GLT8D2: variants seen among roughly 807,000 people sequenced by gnomAD.
The protein encoded by GLT8D2 is glycosyltransferase 8 domain containing 2.
In GLT8D2, 45 loss-of-function variants were observed where a neutral mutation model predicts 44.5. That is an observed-to-expected ratio of 1.01 (90% CI 0.80 to 1.30). GLT8D2 has a LOEUF of 1.30. GLT8D2 is among the 50% of genes most tolerant of loss of function. The pLI is 0.00. For missense variants in GLT8D2, 400 were observed against 430.4 expected, an observed-to-expected ratio of 0.93 and a Z score of 0.62; for synonymous variants, 156 against 157.2, an observed-to-expected ratio of 0.99 and a Z score of 0.06.
chr12:104,014,171 C>T (rs1876225825), intron 4 of GLT8D2: 2 of 623,536 alleles, frequency 3.2e-6, no homozygotes, highest in South Asian at 3.7e-5. Context: ...CAAGATGAAC[C>T]TGAGCAGCAT....
chr12:104,053,917 C>T (rs2136532950), upstream of GLT8D2, among the ~76,000 whole-genome samples: 1 of 151,740 alleles, frequency 6.6e-6, no homozygotes, highest in African/African-American at 2.4e-5. Context: ...TGAAATTGAA[C>T]TATAACATGT....
intron 4 of GLT8D2, among the ~76,000 whole-genome samples, chr12:104,007,260 CTCTCT>C (rs1875172907): frequency 1.3e-5 from 2 of 149,218 alleles, no homozygotes; most frequent in African/African-American, 2.5e-5. Flanking sequence ...CTCTCTCTCT[CTCTCT>C]CCCCCCGCTC....
intron 7 of GLT8D2, among the ~76,000 whole-genome samples, chr12:103,997,206 A>G (rs1873545959): frequency 1.3e-5 from 2 of 152,210 alleles, no homozygotes; most frequent in Non-Finnish European, 2.9e-5. Flanking sequence ...ATAGGCATAC[A>G]GGGAAAGGAA....
intron 4 of GLT8D2, among the ~76,000 whole-genome samples, chr12:104,013,919 C>T (rs1566197910): frequency 6.6e-6 from 1 of 152,008 alleles, no homozygotes; most frequent in Non-Finnish European, 1.5e-5. Flanking sequence ...TTTTTGTGTG[C>T]ATGCAGATGG....
Position 104,016,868 on chromosome 12 carries a change from AAG to A in GLT8D2, c.20-1765_20-1764del, listed in dbSNP as rs1241073214. On this transcript the variant is annotated intron_variant, in intron 3 of 10. Coordinates refer to ENST00000360814, the MANE Select transcript of GLT8D2 (RefSeq NM_001384711.1). Reference sequence around the variant, plus strand: ...AAAGAAAGAAAGAAAGAAAGAAAGAAAGAAAGAAAGAAAGAAAAATAAAGAGA... The same window carrying A: ...AAAGAAAGAAAGAAAGAAAGAAAGAAAAAGAAAGAAAGAAAAATAAAGAGA... Among the ~76,000 whole-genome samples the A allele has an allele frequency of 6.6e-3, 1,004 of 151,226 alleles. 13 individuals are homozygous for A. Among genetic ancestry groups the A allele is most frequent in the Middle Eastern group, 0.014 (4 of 294 alleles).
At position 104,019,660 on chromosome 12, in the gene GLT8D2, C is replaced by T. The variant is rs182410346; in HGVS notation, c.-12G>A. 5.1e-5 allele frequency: 82 copies of T among 1,606,854 alleles called. No homozygotes were observed. The East Asian group carries it at 7.1e-4, about 14-fold the overall frequency. On this transcript the variant is annotated 5_prime_UTR_variant, in exon 3 of 11. Transcript: ENST00000360814. The stretch of plus-strand genomic sequence containing the variant: ...CGTAACAGAGCCATGTGTATTCACG[C>T]GGATAAGAACTGTAACCTGTGGATT...
At chr12:104,008,339 T>G (rs1422957823) in intron 4 of GLT8D2, among the ~76,000 whole-genome samples, 2 of 152,156 alleles carry the variant, frequency 1.3e-5, no homozygotes, top group Non-Finnish European at 2.9e-5. Context: ...GTGACTTTTG[T>G]TATGTTTTAG....
At chr12:104,024,071 A>T (rs1878251295) in intron 1 of GLT8D2, among the ~76,000 whole-genome samples, 1 of 152,104 alleles carries the variant, frequency 6.6e-6, no homozygotes, top group Admixed American at 6.5e-5. Context: ...GTAGATATAT[A>T]TTTAACTCTA....
intron 1 of GLT8D2, among the ~76,000 whole-genome samples, chr12:104,056,756 C>A (rs1480261836): frequency 6.6e-6 from 1 of 152,188 alleles, no homozygotes; most frequent in East Asian, 1.9e-4. Flanking sequence ...TTTCAGTCCA[C>A]AAAATTACTA....
intron 4 of GLT8D2, among the ~76,000 whole-genome samples, chr12:104,007,613 G>A (rs953144657): frequency 2.0e-5 from 3 of 152,150 alleles, no homozygotes; most frequent in Admixed American, 2.0e-4. Flanking sequence ...ATCACTATTT[G>A]ATACATACAT....
At chr12:103,993,329 T>C in intron 10 of GLT8D2, 63 bp downstream of exon 10, 1 of 1,308,020 alleles carries the variant, frequency 7.6e-7, no homozygotes, top group South Asian at 1.2e-5. Flanking sequence ...AGACTCTGTC[T>C]CAAAAATACA....
intron 10 of GLT8D2, among the ~76,000 whole-genome samples, chr12:103,990,228 C>T (rs943403772): frequency 1.4e-4 from 21 of 151,138 alleles, no homozygotes; most frequent in Non-Finnish European, 3.1e-4. Context: ...CCAAGAAGTT[C>T]TATTAATTTC....
At chr12:104,007,265 T>TCTCTCTCTCTCC (rs377119502) in intron 4 of GLT8D2, among the ~76,000 whole-genome samples, 65 of 136,356 alleles carry the variant, frequency 4.8e-4, no homozygotes, top group Non-Finnish European at 8.7e-4. Context: ...TCTCTCTCTC[T>TCTCTCTCTCTCC]CCCCCCGCTC....
At chr12:104,007,633 T>C (rs1875246667) in intron 4 of GLT8D2, among the ~76,000 whole-genome samples, 1 of 152,248 alleles carries the variant, frequency 6.6e-6, no homozygotes, top group Non-Finnish European at 1.5e-5. Context: ...TATTTGCAAA[T>C]GGACCTATGT....
At chr12:104,060,087 C>G (rs1435079889) in intron 1 of GLT8D2, among the ~76,000 whole-genome samples, 1 of 152,284 alleles carries the variant, frequency 6.6e-6, no homozygotes, top group East Asian at 1.9e-4. Flanking sequence ...CTTCTTCGTC[C>G]TCTTCTTCCC....
chr12:104,054,619 A>G (rs1225856287), upstream of GLT8D2, among the ~76,000 whole-genome samples: 1 of 152,038 alleles, frequency 6.6e-6, no homozygotes, highest in Non-Finnish European at 1.5e-5. Context: ...ACACGATTTC[A>G]TATGGACAGC....
chr12:104,051,964 A>G (rs1564892), upstream of GLT8D2, among the ~76,000 whole-genome samples: 54,233 of 152,042 alleles, frequency 0.36, 11,552 homozygotes, highest in East Asian at 0.68. Flanking sequence ...ATGTTTGAAT[A>G]CACACTCAAA....
At chr12:103,997,827 G>A (rs1415022159) in intron 6 of GLT8D2, among the ~76,000 whole-genome samples, 1 of 147,646 alleles carries the variant, frequency 6.8e-6, no homozygotes, top group Non-Finnish European at 1.5e-5. Flanking sequence ...GAGTCACAGA[G>A]GCTCGTTAGT....
chr12:104,012,898 C>A, intron 4 of GLT8D2: 1 of 660,984 alleles, frequency 1.5e-6, no homozygotes, highest in Non-Finnish European at 2.7e-6. Context: ...GAAAAGGCCA[C>A]GTGAGGACAC....
Sources: gnomAD v4.1 joint callset for allele counts (sites outside exome capture counted in the v4.1 genomes callset) on GRCh38, gnomAD v4.1.1 for gene constraint, MANE v1.5 for transcripts, NCBI Gene and HGNC (gene_info 2026-07-23, HGNC 2026-07-21) for gene names.